The following TMEM39A variants were observed in gnomAD, a reference collection of about 807,000 sequenced individuals.
The protein encoded by TMEM39A is transmembrane protein 39A.
In TMEM39A, 19 loss-of-function variants were observed where a neutral mutation model predicts 51.9. The ratio of observed to expected loss-of-function variants is 0.37; its 90% CI spans 0.26 to 0.54. The LOEUF (loss-of-function observed/expected upper bound fraction) is 0.54, where lower values mean the gene tolerates loss of function less well. Among genes scored for constraint, TMEM39A ranks in the 20% least tolerant of loss-of-function variants. The pLI, the probability that TMEM39A is intolerant of heterozygous loss-of-function variation, is 0.88. For synonymous variants in TMEM39A, 197 were observed against 220.2 expected (o/e 0.89, Z 0.93); for missense variants, 433 against 590.5 (o/e 0.73, Z 2.76).
At chr3:119,437,091 T>C in intron 6 of TMEM39A, 113 bp from the exon 7 acceptor site, 1 of 916,808 alleles carries the variant, frequency 1.1e-6, no homozygotes, top group Non-Finnish European at 1.6e-6. Context: ...ACACATGCAC[T>C]GGTGGTCCTG....
In TMEM39A at chr3:119,438,034, G is replaced by C; in HGVS notation, c.645C>G (p.Tyr215Ter). The change falls in exon 6 of 9, where the codon TAC (tyrosine) becomes TAG (stop). Residue 215 changes from tyrosine to a stop codon, truncating the protein, a stop_gained. Transcript: ENST00000319172. LOFTEE classifies it high-confidence loss of function. ...CTGCCTCGTGCTGAACCACATAGTT[G>C]TAGTCTGTGAGAAGAAGATGTGCTC... ...DSRAHLLLTD[Y>*]NYVVQHEAVE... 1 of 1,611,236 alleles carries C rather than the reference G, an allele frequency of 6.2e-7. No individual in the cohort carries two copies. The highest frequency in any genetic ancestry group is 2.2e-5 in the East Asian group (1 of 44,760).
intron 2 of TMEM39A, among the ~76,000 whole-genome samples, chr3:119,458,644 C>T (rs369957205): frequency 6.6e-6 from 1 of 152,138 alleles, no homozygotes; most frequent in African/African-American, 2.4e-5. Flanking sequence ...CCTGTAATCC[C>T]AGCACTTTGG....
chr3:119,457,595 C>G (rs757343255), intron 3 of TMEM39A, among the ~76,000 whole-genome samples: 66 of 152,174 alleles, frequency 4.3e-4, no homozygotes, highest in Non-Finnish European at 7.8e-4. Flanking sequence ...CAGCCTGGGT[C>G]CCCTGAAGAA....
rs969395210 is a variant in TMEM39A at position 119,463,567 on chromosome 3, G to C, written c.-306C>G. 2.5e-6 allele frequency: 1 copy of C among 398,860 alleles called. No homozygotes were observed. 24.7% of individuals were successfully genotyped at this position (398,860 alleles called of 1,614,324 possible). On this transcript the variant is annotated 5_prime_UTR_variant, in exon 1 of 9. Transcript: ENST00000319172. ...AGTGCCAGAGCTAAAGCTAGAGCCA[G>C]AGCCTGATACTTCAGCACCCATCCC...
In TMEM39A at chr3:119,437,953, G is replaced by C. The variant is rs374013422; in HGVS notation, c.726C>G (p.Ser242=). 3 of 1,614,006 alleles carry C rather than the reference G, an allele frequency of 1.9e-6. No homozygotes were observed. In the African/African-American group the frequency reaches 4.0e-5, roughly 22 times the overall value. Residue 242 remains serine (S), a synonymous_variant, in exon 6 of 9, where the codon TCC becomes TCG. Coordinates refer to ENST00000319172, the MANE Select transcript of TMEM39A (RefSeq NM_018266.3). The part of the protein sequence containing the change: ...GGLAKSKDFL[S]LLLESLKEQF... ...GTTCTTTTAGCGACTCCAGCAACAA[G>C]GAGAGAAAGTCTTTGGATTTGGCCA...
intron 5 of TMEM39A, among the ~76,000 whole-genome samples, chr3:119,445,492 T>C (rs1228592380): frequency 6.6e-6 from 1 of 152,210 alleles, no homozygotes; most frequent in African/African-American, 2.4e-5. Context: ...CTCGAACTAC[T>C]AACCTCAGGT....
At chr3:119,450,003 T>C (rs1027517393) in intron 4 of TMEM39A, among the ~76,000 whole-genome samples, 2 of 151,896 alleles carry the variant, frequency 1.3e-5, no homozygotes, top group Non-Finnish European at 1.5e-5. Context: ...CTGTGATATA[T>C]GCAAAAAAAG....
At chr3:119,452,352 T>A in intron 4 of TMEM39A, 95 bp downstream of exon 4, 1 of 820,586 alleles carries the variant, frequency 1.2e-6, no homozygotes, top group East Asian at 2.8e-5. Flanking sequence ...AATTTATTGT[T>A]TCATTAAATG....
intron 7 of TMEM39A, chr3:119,436,535 A>T (rs574098066): frequency 5.8e-6 from 2 of 343,706 alleles, no homozygotes; most frequent in South Asian, 1.3e-4. Context: ...CGCCAAGTGC[A>T]TTGCTTGGGA....
intron 3 of TMEM39A, among the ~76,000 whole-genome samples, chr3:119,454,774 C>A (rs1280681679): frequency 5.9e-5 from 9 of 152,018 alleles, no homozygotes; most frequent in Non-Finnish European, 1.3e-4. Context: ...GCTGACAGAG[C>A]CAAACTCCGT....
At position 119,438,781 on chromosome 3, in the gene TMEM39A, C is replaced by T. The variant is rs895785511; in HGVS notation, c.576-678G>A. On this transcript the variant is annotated intron_variant, in intron 5 of 8. Transcript: ENST00000319172. Reference sequence around the variant, plus strand: ...AATGTCCCTTTCTTAGTAGGGGGCCCTCCTGCCTCCCTACTGTATCACCCA... The same window carrying T: ...AATGTCCCTTTCTTAGTAGGGGGCCTTCCTGCCTCCCTACTGTATCACCCA... Among the ~76,000 whole-genome samples the T allele has an allele frequency of 3.3e-5, 5 of 152,286 alleles. No homozygotes were observed. The South Asian group carries it at 1.0e-3, about 32-fold the overall frequency.
rs768150963 is a variant in TMEM39A, at chr3:119,452,488, C to T, written c.379G>A (p.Val127Met). Reference protein sequence around the residue: ...IDYHLAAFITVMLARRLVWAL... With the variant: ...IDYHLAAFITMMLARRLVWAL... Reference sequence around the variant, plus strand: ...CATACAAGCCTCCTCGCAAGCATCACTGTGATGAATGCTGCCAGATGATAA... The same window carrying T: ...CATACAAGCCTCCTCGCAAGCATCATTGTGATGAATGCTGCCAGATGATAA... Residue 127 changes from valine to methionine, a missense_variant, in exon 4 of 9, where the codon GTG becomes ATG. Val to Met is a conservative substitution (Grantham distance 21). Around this residue, in one of 3 missense-constraint regions of TMEM39A, gnomAD observed 170 missense variants for 239.8 expected, o/e 0.71. Transcript: ENST00000319172. The T allele has an allele frequency of 6.8e-6, 11 of 1,613,718 alleles. No homozygotes were observed. Among genetic ancestry groups the T allele is most frequent in the Admixed American group, 5.0e-5 (3 of 59,992 alleles).
intron 5 of TMEM39A, among the ~76,000 whole-genome samples, chr3:119,440,347 GA>G (rs1193700032): frequency 6.6e-6 from 1 of 152,124 alleles, no homozygotes; most frequent in African/African-American, 2.4e-5. Context: ...GTGAGGTAAA[GA>G]AAATAATTCA....
At chr3:119,438,768 T>C (rs3195852) in intron 5 of TMEM39A, among the ~76,000 whole-genome samples, 68,820 of 152,016 alleles carry the variant, frequency 0.45, 16,246 homozygotes, top group East Asian at 0.63. Flanking sequence ...TGTCCCTTTC[T>C]TAGTAGGGGG....
intron 4 of TMEM39A, among the ~76,000 whole-genome samples, chr3:119,451,830 C>CAAA (rs10653676): frequency 0.33 from 17,751 of 53,536 alleles, 2,529 homozygotes; most frequent in African/African-American, 0.38. Context: ...AACTCCGTCT[C>CAAA]AAAAAAAAAA....
intron 4 of TMEM39A, among the ~76,000 whole-genome samples, chr3:119,448,693 T>A (rs2081159813): frequency 6.6e-6 from 1 of 152,196 alleles, no homozygotes; most frequent in African/African-American, 2.4e-5. Flanking sequence ...TCATGCCAAT[T>A]TACCTCACAT....
At position 119,434,851 on chromosome 3, in the gene TMEM39A, C is replaced by A. The variant is rs1385821871; in HGVS notation, c.1144G>T (p.Val382Leu). ...AAACATCTGCTGTGCCGCACCAGCACCCCTTGAGGCCATATTGTATTTTCT... is the reference window on the plus strand; with the variant it reads ...AAACATCTGCTGTGCCGCACCAGCAACCCTTGAGGCCATATTGTATTTTCT... Reference protein sequence around the residue: ...WSENTIWPQGVLVRHSRCLYR... With the variant: ...WSENTIWPQGLLVRHSRCLYR... The change falls in exon 8 of 9, where the codon GTG (valine) becomes TTG (leucine). Residue 382 changes from valine (V) to leucine (L), a missense_variant. This residue lies in a region of TMEM39A where 223 missense variants were observed against 328.1 expected (regional missense o/e 0.68). Transcript: ENST00000319172. 1 of 1,613,678 alleles carries A rather than the reference C, an allele frequency of 6.2e-7. No homozygotes were observed. The highest frequency in any genetic ancestry group is 2.2e-5 in the East Asian group (1 of 44,880).
intron 4 of TMEM39A, among the ~76,000 whole-genome samples, chr3:119,447,997 G>C (rs918369811): frequency 6.6e-6 from 1 of 152,144 alleles, no homozygotes; most frequent in Non-Finnish European, 1.5e-5. Context: ...CTCAACAGCA[G>C]TAACAATATT....
At chr3:119,442,987 G>A (rs1165702493) in intron 5 of TMEM39A, among the ~76,000 whole-genome samples, 2 of 148,536 alleles carry the variant, frequency 1.3e-5, no homozygotes, top group Non-Finnish European at 3.0e-5. Context: ...GATCACTTGA[G>A]CCCAGGAGAC....
Sources: gnomAD v4.1 joint callset for allele counts (sites outside exome capture counted in the v4.1 genomes callset) on GRCh38, gnomAD v4.1.1 for gene constraint, gnomAD v4.1.1 regional missense constraint, MANE v1.5 for transcripts, NCBI Gene and HGNC (gene_info 2026-07-23, HGNC 2026-07-21) for gene names.